The following DNAJC5B variants were observed in gnomAD, a reference collection of about 807,000 sequenced individuals.
DNAJC5B encodes dnaJ homolog subfamily C member 5B.
DNAJC5B carries 23 observed loss-of-function variants against 24.7 expected under a neutral mutation model. That is an observed-to-expected ratio of 0.93 (90% CI 0.67 to 1.32). The LOEUF is 1.32. Among genes scored for constraint, DNAJC5B ranks in the 40% most tolerant of loss-of-function variants. DNAJC5B has a pLI of 0.00. For synonymous variants in DNAJC5B, 101 were observed against 90.1 expected, an observed-to-expected ratio of 1.12 and a Z score of -0.68; for missense variants, 238 against 240.8, an observed-to-expected ratio of 0.99 and a Z score of 0.08.
intron 1 of DNAJC5B, among the ~76,000 whole-genome samples, chr8:66,032,776 C>T (rs569755831): frequency 3.3e-5 from 5 of 152,230 alleles, no homozygotes; most frequent in Non-Finnish European, 5.9e-5. Flanking sequence ...TGCTCCTCAT[C>T]GCTTGATACA....
intron 1 of DNAJC5B, among the ~76,000 whole-genome samples, chr8:66,038,701 T>C (rs1282566344): frequency 3.9e-5 from 6 of 152,208 alleles, no homozygotes; most frequent in African/African-American, 1.4e-4. Context: ...AAGCTAACGT[T>C]AGAGACATCT....
chr8:66,079,341 T>C (rs911955397), intron 4 of DNAJC5B, among the ~76,000 whole-genome samples: 2 of 152,160 alleles, frequency 1.3e-5, no homozygotes, highest in Non-Finnish European at 2.9e-5. Context: ...AAGCTCACAG[T>C]CTAGTCCAAA....
intron 5 of DNAJC5B, among the ~76,000 whole-genome samples, chr8:66,095,673 AC>A (rs1807936741): frequency 2.6e-5 from 4 of 150,944 alleles, no homozygotes; most frequent in Non-Finnish European, 4.4e-5. Flanking sequence ...ACACACACAC[AC>A]ACACACACAC....
At chr8:66,030,835 C>T (rs144251734) in intron 1 of DNAJC5B, among the ~76,000 whole-genome samples, 8,401 of 152,202 alleles carry the variant, frequency 0.055, 343 homozygotes, top group Middle Eastern at 0.11. Context: ...TGGGGTTTCA[C>T]CATGTTGGCC....
chr8:66,069,287 T>TA (rs1164248082), intron 3 of DNAJC5B, among the ~76,000 whole-genome samples: 1 of 151,946 alleles, frequency 6.6e-6, no homozygotes, highest in Non-Finnish European at 1.5e-5. Context: ...TCACTTTGAA[T>TA]AAAAAACTGA....
At chr8:66,022,452 G>A (rs190119633) in intron 1 of DNAJC5B, among the ~76,000 whole-genome samples, 4 of 152,288 alleles carry the variant, frequency 2.6e-5, no homozygotes, top group African/African-American at 7.2e-5. Flanking sequence ...CCCCGGAGTT[G>A]GAGCACAGGA....
chr8:66,031,686 T>C (rs1006262814), intron 1 of DNAJC5B, among the ~76,000 whole-genome samples: 1 of 152,104 alleles, frequency 6.6e-6, no homozygotes, highest in African/African-American at 2.4e-5. Context: ...AAAAAACCAA[T>C]GTCCCAGCTC....
intron 2 of DNAJC5B, among the ~76,000 whole-genome samples, chr8:66,044,284 G>A (rs1806678842): frequency 6.6e-6 from 1 of 152,120 alleles, no homozygotes; most frequent in South Asian, 2.1e-4. Context: ...TAGAAGTAAT[G>A]ACAAAGCAGC....
chr8:66,016,439 AC>A, the DNAJC5B span, among the ~76,000 whole-genome samples: 1 of 152,038 alleles, frequency 6.6e-6, no homozygotes, highest in African/African-American at 2.4e-5. Context: ...GTTCTGCCAC[AC>A]TGGGAAGAAG....
At chr8:66,042,619 T>TCTTCTC (rs1377072574) in intron 1 of DNAJC5B, among the ~76,000 whole-genome samples, 7 of 147,672 alleles carry the variant, frequency 4.7e-5, no homozygotes, top group South Asian at 2.1e-4. Context: ...TTCTTCTTCT[T>TCTTCTC]CTTCTCCTTC....
intron 1 of DNAJC5B, among the ~76,000 whole-genome samples, chr8:66,029,714 G>T (rs118067463): frequency 1.3e-5 from 2 of 152,140 alleles, no homozygotes; most frequent in Admixed American, 1.3e-4. Context: ...TAATTGATCG[G>T]CCTGGTTTAA....
intron 5 of DNAJC5B, among the ~76,000 whole-genome samples, chr8:66,083,364 T>A (rs1474775369): frequency 6.6e-6 from 1 of 152,204 alleles, no homozygotes. Flanking sequence ...TCCTCTAGCA[T>A]GTTTGATCAA....
At chr8:66,093,853 C>A (rs1340985623) in intron 5 of DNAJC5B, among the ~76,000 whole-genome samples, 5 of 152,032 alleles carry the variant, frequency 3.3e-5, no homozygotes, top group African/African-American at 1.2e-4. Context: ...TATAGTTTTG[C>A]CTTTTCACAT....
At chr8:66,085,583 T>C (rs1377582625) in intron 5 of DNAJC5B, among the ~76,000 whole-genome samples, 3 of 151,946 alleles carry the variant, frequency 2.0e-5, no homozygotes, top group Non-Finnish European at 4.4e-5. Flanking sequence ...AAAAAATATA[T>C]ATATATATAT....
chr8:66,033,550 C>T (rs1057074068), intron 1 of DNAJC5B, among the ~76,000 whole-genome samples: 7 of 152,164 alleles, frequency 4.6e-5, no homozygotes, highest in African/African-American at 9.7e-5. Flanking sequence ...TCTCCAGACA[C>T]GCATTTGGCT....
intron 5 of DNAJC5B, among the ~76,000 whole-genome samples, chr8:66,089,740 A>G (rs1431662738): frequency 1.3e-5 from 2 of 152,188 alleles, no homozygotes; most frequent in Non-Finnish European, 2.9e-5. Context: ...CCTTTAAACT[A>G]TATCGGAAAG....
intron 1 of DNAJC5B, among the ~76,000 whole-genome samples, chr8:66,035,382 T>G (rs983829800): frequency 1.3e-5 from 2 of 152,180 alleles, no homozygotes; most frequent in African/African-American, 4.8e-5. Flanking sequence ...TTTGGAGATG[T>G]CATTAAGATC....
At chr8:66,088,281 A>C (rs1807772537) in intron 5 of DNAJC5B, among the ~76,000 whole-genome samples, 1 of 152,188 alleles carries the variant, frequency 6.6e-6, no homozygotes, top group Non-Finnish European at 1.5e-5. Context: ...CAGGGCACCA[A>C]GTCTTGAAGC....
At chr8:66,058,564 C>T (rs1807015454) in intron 3 of DNAJC5B, among the ~76,000 whole-genome samples, 1 of 152,164 alleles carries the variant, frequency 6.6e-6, no homozygotes. Context: ...GGACAGTGTT[C>T]TCTAAAAAAG....
Sources: gnomAD v4.1 joint callset for allele counts (sites outside exome capture counted in the v4.1 genomes callset) on GRCh38, gnomAD v4.1.1 for gene constraint, MANE v1.5 for transcripts, NCBI Gene and HGNC (gene_info 2026-07-23, HGNC 2026-07-21) for gene names.